The following ITGAL variants were observed in gnomAD, a reference collection of about 807,000 sequenced individuals.
The protein encoded by ITGAL is integrin alpha-L.
Under a neutral mutation model 138.4 loss-of-function variants are expected in ITGAL, and 68 were observed. The ratio of observed to expected loss-of-function variants is 0.49; its 90% CI spans 0.40 to 0.60. The LOEUF (loss-of-function observed/expected upper bound fraction) is 0.60. Ranked by LOEUF, ITGAL falls within the 20% of genes least tolerant of loss-of-function variation. ITGAL has a pLI of 0.00. For synonymous variants in ITGAL, 561 were observed against 584.3 expected (o/e 0.96, Z 0.57); for missense variants, 1,256 against 1,478.6 (o/e 0.85, Z 2.47).
chr16:30,511,005 C>T, intron 23 of ITGAL, 45 bp downstream of exon 23: 1 of 1,612,314 alleles, frequency 6.2e-7, no homozygotes, highest in Non-Finnish European at 8.5e-7. Context: ...TCAGACCTGG[C>T]CAAGCCCTTC....
intron 21 of ITGAL, among the ~76,000 whole-genome samples, chr16:30,509,176 CAAAA>C (rs542213432): frequency 2.2e-5 from 2 of 92,890 alleles, no homozygotes; most frequent in African/African-American, 4.2e-5. Flanking sequence ...GACTCCATCT[CAAAA>C]AAAAAAAAAA....
chr16:30,475,452 G>C (rs2050456917), intron 3 of ITGAL, 52 bp downstream of exon 3: 1 of 1,598,388 alleles, frequency 6.3e-7, no homozygotes, highest in Non-Finnish European at 8.6e-7. Flanking sequence ...GGAAACTGAG[G>C]CTGGCCCCAG....
chr16:30,482,507 C>T (rs1157166436), intron 7 of ITGAL, among the ~76,000 whole-genome samples: 1 of 151,954 alleles, frequency 6.6e-6, no homozygotes, highest in Non-Finnish European at 1.5e-5. Context: ...TAAAAGATCC[C>T]TCTGGCTGCA....
rs753816264 is a variant in ITGAL at position 30,506,707 on chromosome 16, C to T, written c.2367-8C>T. On this transcript the variant is annotated splice_region_variant and splice_polypyrimidine_tract_variant and intron_variant, in intron 20 of 30. Transcript: ENST00000356798. ...CCTCCTCCATCTTTCCCTGATCATC[C>T]CCCACAGATCCAGAGCCCTGCGTCT... The T allele has an allele frequency of 1.9e-5, 31 of 1,611,788 alleles. No homozygotes were observed. In the Middle Eastern group the frequency reaches 3.6e-3, roughly 189 times the overall value.
chr16:30,511,383 T>C (rs1353767501), intron 24 of ITGAL, among the ~76,000 whole-genome samples: 1 of 152,158 alleles, frequency 6.6e-6, no homozygotes, highest in Non-Finnish European at 1.5e-5. Flanking sequence ...GAACACTAAT[T>C]TTATGTCAGA....
In ITGAL at chr16:30,494,594, A is replaced by T; in HGVS notation, c.1366-119A>T. 7.7e-7 allele frequency: 1 copy of T among 1,298,948 alleles called. No homozygotes were observed. Among genetic ancestry groups the T allele is most frequent in the Non-Finnish European group, 1.0e-6 (1 of 959,694 alleles). 80.5% of individuals were successfully genotyped at this position (1,298,948 alleles called of 1,614,324 possible). A position where few individuals can be genotyped will look rare whatever the true frequency, so the allele number is the denominator to read the frequency against. ...CTTAACGCACATAGACTAGGGGTGG[A>T]TCCAAGATTGGAACCTGCATTTGAG... On this transcript the variant is annotated intron_variant, in intron 12 of 30. Transcript: ENST00000356798. This position sits in a 1 kb window ranked among gnomAD's most constrained non-coding sequence, Gnocchi z 4.2.
chr16:30,495,035 T>C (rs1892778083), intron 13 of ITGAL, among the ~76,000 whole-genome samples, 185 bp downstream of exon 13: 1 of 152,172 alleles, frequency 6.6e-6, no homozygotes, highest in Non-Finnish European at 1.5e-5. Context: ...TATTTCTTTT[T>C]TCTTTTGAGA....
At chr16:30,474,032 A>G (rs2050430534) in intron 1 of ITGAL, 164 bp from the exon 2 acceptor site, 1 of 698,420 alleles carries the variant, frequency 1.4e-6, no homozygotes, top group Non-Finnish European at 2.6e-6. Flanking sequence ...GGGGGCCGGG[A>G]GTTGCTCCTT....
chr16:30,517,578 G>A (rs2051186682), intron 26 of ITGAL, 71 bp from the exon 27 acceptor site: 7 of 1,322,628 alleles, frequency 5.3e-6, no homozygotes, highest in Non-Finnish European at 7.6e-6. Context: ...CCAGGGCAGG[G>A]GAAAGCTGGG....
Position 30,521,889 on chromosome 16 carries a change from C to A in ITGAL, c.*224C>A, listed in dbSNP as rs1028422812. 7.0e-5 allele frequency: 36 copies of A among 517,270 alleles called. No homozygotes were observed. The highest frequency in any genetic ancestry group is 1.2e-4 in the Non-Finnish European group (35 of 290,252). 32.0% of individuals were successfully genotyped at this position (517,270 alleles called of 1,614,324 possible). ...GCCAAGAGGGCTGCAAAAGTGAGGGCTTGTCATTACCAGACGGTTCACCAG... is the reference window on the plus strand; with the variant it reads ...GCCAAGAGGGCTGCAAAAGTGAGGGATTGTCATTACCAGACGGTTCACCAG... On this transcript the variant is annotated 3_prime_UTR_variant, in exon 31 of 31. Transcript: ENST00000356798.
intron 7 of ITGAL, chr16:30,483,116 T>G (rs960484291): frequency 6.6e-6 from 1 of 152,200 alleles, no homozygotes; most frequent in Non-Finnish European, 1.5e-5. Context: ...TATTTTATTT[T>G]TTTAATTTTT....
intron 15 of ITGAL, 119 bp from the exon 16 acceptor site, chr16:30,498,955 A>G (rs2050843862): frequency 1.3e-6 from 1 of 750,696 alleles, no homozygotes; most frequent in East Asian, 2.7e-5. Flanking sequence ...AGACAGTGAC[A>G]TGTTGAGGTC....
At chr16:30,487,142 CAAAAA>C (rs1165678423) in intron 9 of ITGAL, among the ~76,000 whole-genome samples, 3 of 42,954 alleles carry the variant, frequency 7.0e-5, no homozygotes, top group African/African-American at 2.7e-4. Context: ...GACTCCGTCT[CAAAAA>C]AAAAAAAAAA....
intron 17 of ITGAL, among the ~76,000 whole-genome samples, chr16:30,503,362 T>G (rs1167346869): frequency 1.3e-5 from 2 of 152,048 alleles, no homozygotes; most frequent in African/African-American, 4.8e-5. Flanking sequence ...GACTTTGGAT[T>G]TGGACAGATT....
chr16:30,518,704 C>T lies in ITGAL; in HGVS notation c.3213C>T (p.Asn1071=), dbSNP rs779359688. ...SSKHFHLYGS[N]ASLAQVVMKV... is the part of the protein sequence containing the mutation. ...AGCATTTCCACCTCTATGGCAGCAA[C>T]GCCTCCCTGGCCCAGGTATCTCCAC... The change falls in exon 29 of 31, where the codon AAC becomes AAT. Residue 1071 remains asparagine (N), a synonymous_variant. Coordinates refer to ENST00000356798, the MANE Select transcript of ITGAL (RefSeq NM_002209.3). 8 of 1,612,764 alleles carry T rather than the reference C, an allele frequency of 5.0e-6. No individual in the cohort carries two copies. Among genetic ancestry groups the T allele is most frequent in the African/African-American group, 2.7e-5 (2 of 74,872 alleles).
intron 30 of ITGAL, 94 bp downstream of exon 30, chr16:30,520,061 G>A (rs1196454138): frequency 1.1e-6 from 1 of 916,204 alleles, no homozygotes; most frequent in Non-Finnish European, 1.7e-6. Context: ...CAAGCCAGAG[G>A]GCATAAGAGC....
Position 30,508,837 on chromosome 16 carries a change from C to T in ITGAL, c.2509-1524C>T, listed in dbSNP as rs148445816. Among the ~76,000 whole-genome samples the T allele has an allele frequency of 3.9e-3, 592 of 151,372 alleles. 8 individuals are homozygous for T. The highest frequency in any genetic ancestry group is 5.6e-4 in the Non-Finnish European group (38 of 67,922). On this transcript the variant is annotated intron_variant, in intron 21 of 30. Coordinates refer to ENST00000356798, the MANE Select transcript of ITGAL (RefSeq NM_002209.3). Reference sequence around the variant, plus strand: ...TTACAACATTGCCCTCCAGCTTGGGCGACAGAGCGAGACCTTGTCTCAGGA... The same window carrying T: ...TTACAACATTGCCCTCCAGCTTGGGTGACAGAGCGAGACCTTGTCTCAGGA...
chr16:30,516,243 T>G (rs552218448), intron 25 of ITGAL, among the ~76,000 whole-genome samples: 1 of 151,896 alleles, frequency 6.6e-6, no homozygotes, highest in Non-Finnish European at 1.5e-5. Context: ...TTTTTTTTTT[T>G]TTTTGAGACG....
At position 30,499,570 on chromosome 16, in the gene ITGAL, C is replaced by T. The variant is rs1430970897; in HGVS notation, c.2145+81C>T. 9.5e-6 allele frequency: 13 copies of T among 1,369,896 alleles called. No individual in the cohort carries two copies. The East Asian group carries it at 1.4e-4, about 15-fold the overall frequency. The allele number at this position is 1,369,896 out of a possible 1,614,324, so 84.9% of individuals were successfully genotyped here. A position where few individuals can be genotyped will look rare whatever the true frequency, so the allele number is the denominator to read the frequency against. ...CTCCGTCACTGTCCAGTGGGTGACA[C>T]GTCACTTCCATCCCTCTGTGCTGTC... On this transcript the variant is annotated intron_variant, in intron 17 of 30. Coordinates refer to ENST00000356798, the MANE Select transcript of ITGAL (RefSeq NM_002209.3).
Sources: allele counts gnomAD v4.1 joint callset (sites outside exome capture counted in the v4.1 genomes callset), GRCh38; gene constraint gnomAD v4.1.1; non-coding constraint Gnocchi (gnomAD v3.1); transcripts MANE v1.5; gene names NCBI Gene and HGNC (gene_info 2026-07-23, HGNC 2026-07-21).